The following CSTF3 variants were observed in gnomAD, a reference collection of about 807,000 sequenced individuals.
CSTF3 encodes CF-1 77 kDa subunit.
In CSTF3, 29 loss-of-function variants were observed where a neutral mutation model predicts 105.8. That is an observed-to-expected ratio of 0.27 (90% CI 0.20 to 0.37). CSTF3 has a LOEUF of 0.37. Among genes scored for constraint, CSTF3 ranks in the 10% least tolerant of loss-of-function variants. CSTF3 has a pLI of 1.00. For missense variants in CSTF3, 357 were observed against 879.3 expected (o/e 0.41, Z 7.51); for synonymous variants, 252 against 281.9 (o/e 0.89, Z 1.06).
At chr11:33,131,055 T>C (rs1280173646) in intron 3 of CSTF3, among the ~76,000 whole-genome samples, 1 of 152,186 alleles carries the variant, frequency 6.6e-6, no homozygotes, top group African/African-American at 2.4e-5. Flanking sequence ...TACATGCTCT[T>C]ATAAATTTCT....
intron 8 of CSTF3, among the ~76,000 whole-genome samples, chr11:33,104,948 C>A (rs957936038): frequency 3.3e-5 from 5 of 152,110 alleles, no homozygotes; most frequent in African/African-American, 1.2e-4. Context: ...GGGCTCTCAC[C>A]ATCTTGCCCA....
chr11:33,158,998 T>C (rs1033097630), intron 1 of CSTF3, among the ~76,000 whole-genome samples: 16 of 151,658 alleles, frequency 1.1e-4, no homozygotes, highest in Admixed American at 2.0e-4. Flanking sequence ...AAAAAAAAAA[T>C]CACATTCTTG....
rs145066590 is a variant in CSTF3 at position 33,086,260 on chromosome 11, C to T, written c.1796-271G>A. 1.3e-5 allele frequency among the ~76,000 whole-genome samples: 2 copies of T among 152,304 alleles called. 1 individual carries two copies. Among genetic ancestry groups the T allele is most frequent in the Non-Finnish European group, 2.9e-5 (2 of 68,016 alleles). ...TTTGTCAAAGAGTGTTTCTGAGTTA[C>T]ACAAGTCATTTGTTTAGCAATCCTG... On this transcript the variant is annotated intron_variant, in intron 18 of 20. Transcript: ENST00000323959.
chr11:33,158,190 T>C (rs1849890092), intron 1 of CSTF3, among the ~76,000 whole-genome samples: 1 of 152,200 alleles, frequency 6.6e-6, no homozygotes. Flanking sequence ...AAATGTATTA[T>C]TAAAAAGTTA....
chr11:33,117,387 GCTT>G (rs1255901406), intron 3 of CSTF3, among the ~76,000 whole-genome samples: 1 of 151,956 alleles, frequency 6.6e-6, no homozygotes, highest in Non-Finnish European at 1.5e-5. Flanking sequence ...GAAACTCATT[GCTT>G]ATTACACACT....
Position 33,141,996 on chromosome 11 carries a change from A to G in CSTF3, c.28-10T>C. The G allele has an allele frequency of 6.2e-7, 1 of 1,613,638 alleles. No homozygotes were observed. The highest frequency in any genetic ancestry group is 1.1e-5 in the South Asian group (1 of 91,034). On this transcript the variant is annotated splice_polypyrimidine_tract_variant and intron_variant, in intron 1 of 20. Transcript: ENST00000323959. The stretch of plus-strand genomic sequence containing the variant: ...GGACATACTCAGCTGCCTGGGGAAA[A>G]AAAACAACAGTGAACTAAAGTTACT...
intron 3 of CSTF3, among the ~76,000 whole-genome samples, chr11:33,131,832 A>G (rs1205712652): frequency 2.0e-5 from 3 of 152,228 alleles, no homozygotes; most frequent in South Asian, 2.1e-4. Flanking sequence ...AGCCTGGGCT[A>G]CAGAGACTCC....
At chr11:33,094,608 A>C (rs1415731658) in intron 15 of CSTF3, among the ~76,000 whole-genome samples, 2 of 152,196 alleles carry the variant, frequency 1.3e-5, no homozygotes, top group Admixed American at 1.3e-4. Context: ...AAATTAGGCA[A>C]AACAATTTAA....
At position 33,084,832 on chromosome 11, in the gene CSTF3, C is replaced by T. The variant is rs1490641645; in HGVS notation, c.*255G>A. Reference sequence around the variant, plus strand: ...ATACAAGACACCCTTGAAGAGGGAACAAAATGTGGTTCTGCCACTTTGTAC... The same window carrying T: ...ATACAAGACACCCTTGAAGAGGGAATAAAATGTGGTTCTGCCACTTTGTAC... On this transcript the variant is annotated 3_prime_UTR_variant, in exon 21 of 21. Transcript: ENST00000323959. 1 of 492,692 alleles carries T rather than the reference C, an allele frequency of 2.0e-6. No individual in the cohort carries two copies. The highest frequency in any genetic ancestry group is 3.6e-6 in the Non-Finnish European group (1 of 274,820). 30.5% of individuals were successfully genotyped at this position (492,692 alleles called of 1,614,324 possible). A position where few individuals can be genotyped will look rare whatever the true frequency, so the allele number is the denominator to read the frequency against.
chr11:33,112,726 T>A (rs1269624451), intron 3 of CSTF3, among the ~76,000 whole-genome samples: 8 of 152,210 alleles, frequency 5.3e-5, no homozygotes, highest in African/African-American at 1.2e-4. Context: ...AATATTTACA[T>A]GAAAACATCT....
intron 3 of CSTF3, among the ~76,000 whole-genome samples, chr11:33,116,754 G>A (rs578111693): frequency 6.6e-6 from 1 of 152,104 alleles, no homozygotes; most frequent in Non-Finnish European, 1.5e-5. Flanking sequence ...ACAGGCTGGG[G>A]AGAATACAGA....
chr11:33,151,854 A>C (rs1039155879), intron 1 of CSTF3, among the ~76,000 whole-genome samples: 3 of 152,142 alleles, frequency 2.0e-5, no homozygotes, highest in African/African-American at 7.2e-5. Flanking sequence ...CCTTACCAAC[A>C]TTTGATATTA....
intron 5 of CSTF3, 37 bp downstream of exon 5, chr11:33,107,866 A>G: frequency 8.2e-7 from 1 of 1,213,890 alleles, no homozygotes; most frequent in Non-Finnish European, 1.2e-6. Context: ...GTGTGCCTGG[A>G]GATGACTTGC....
At chr11:33,157,744 C>T (rs1157078632) in intron 1 of CSTF3, among the ~76,000 whole-genome samples, 1 of 152,190 alleles carries the variant, frequency 6.6e-6, no homozygotes. Context: ...GTTTATTCTA[C>T]AAACTTGAAC....
chr11:33,150,463 A>T lies in CSTF3; in HGVS notation c.28-8477T>A, dbSNP rs562141452. Among the ~76,000 whole-genome samples, 30 of 152,340 alleles carry T rather than the reference A, an allele frequency of 2.0e-4. 1 individual carries two copies. The South Asian group carries it at 5.8e-3, about 29-fold the overall frequency. On this transcript the variant is annotated intron_variant, in intron 1 of 20. Transcript: ENST00000323959. ...GGCAGGGACCCCAAATCAAAGGAGT[A>T]GAGCAAAAACTGGACTAGTTATCAA...
intron 17 of CSTF3, among the ~76,000 whole-genome samples, chr11:33,088,831 C>G (rs1439715426): frequency 6.6e-6 from 1 of 151,894 alleles, no homozygotes; most frequent in Non-Finnish European, 1.5e-5. Flanking sequence ...GTTTCCCAGG[C>G]TGGTCTTGAA....
intron 1 of CSTF3, among the ~76,000 whole-genome samples, chr11:33,153,691 C>T (rs1029119596): frequency 2.5e-4 from 35 of 142,076 alleles, no homozygotes; most frequent in Admixed American, 6.8e-4. Flanking sequence ...TCTTCCATTT[C>T]GACCATGCAG....
intron 3 of CSTF3, among the ~76,000 whole-genome samples, chr11:33,132,993 T>C (rs1010322319): frequency 1.3e-5 from 2 of 152,102 alleles, no homozygotes; most frequent in African/African-American, 4.8e-5. Flanking sequence ...GTAACAATTT[T>C]TAAGTTTTCT....
intron 9 of CSTF3, among the ~76,000 whole-genome samples, chr11:33,102,787 C>G (rs1268736092): frequency 2.6e-5 from 4 of 152,080 alleles, no homozygotes. Context: ...TATTAGACCA[C>G]AGAGTAATAC....
Sources: allele counts gnomAD v4.1 joint callset (sites outside exome capture counted in the v4.1 genomes callset), GRCh38; gene constraint gnomAD v4.1.1; transcripts MANE v1.5; gene names NCBI Gene and HGNC (gene_info 2026-07-23, HGNC 2026-07-21).